Variants in WDR33 observed in about 807,000 individuals in gnomAD.
WDR33 encodes the protein WD repeat domain 33.
Under a neutral mutation model 164.9 loss-of-function variants are expected in WDR33, and 47 were observed. The observed-to-expected ratio is 0.29, with a 90% CI of 0.23 to 0.36. The LOEUF is 0.36. Ranked by LOEUF, WDR33 falls within the 10% of genes least tolerant of loss-of-function variation. The pLI, the probability that WDR33 is intolerant of heterozygous loss-of-function variation, is 1.00. For synonymous variants in WDR33, 505 were observed against 589.0 expected, an observed-to-expected ratio of 0.86 and a Z score of 2.06; for missense variants, 1,137 against 1,754.1, an observed-to-expected ratio of 0.65 and a Z score of 6.28.
At chr2:127,711,473 G>C (rs954908595) in intron 18 of WDR33, among the ~76,000 whole-genome samples, 1 of 145,630 alleles carries the variant, frequency 6.9e-6, no homozygotes, top group African/African-American at 2.5e-5. Flanking sequence ...TTTTGCACAA[G>C]ATGCAGAGAT....
intron 1 of WDR33, among the ~76,000 whole-genome samples, chr2:127,797,280 T>A (rs905007230): frequency 3.3e-5 from 5 of 151,874 alleles, no homozygotes; most frequent in Non-Finnish European, 7.4e-5. Context: ...GATCATGAGG[T>A]CAGAAGTTCG....
At chr2:127,743,189 T>C (rs1687075203) in intron 7 of WDR33, among the ~76,000 whole-genome samples, 1 of 152,098 alleles carries the variant, frequency 6.6e-6, no homozygotes, top group Non-Finnish European at 1.5e-5. Context: ...CTTAAAAGAA[T>C]GCCTTCAAAA....
At chr2:127,715,506 G>C (rs910277201) in intron 17 of WDR33, among the ~76,000 whole-genome samples, 3 of 152,114 alleles carry the variant, frequency 2.0e-5, no homozygotes, top group Admixed American at 6.5e-5. Flanking sequence ...CTCTCTTCCA[G>C]CTCTTTTCCG....
rs751338060 is a variant in WDR33, at chr2:127,763,150, G to A, written c.636C>T (p.Pro212=). ...AGCATGTAGCAAATTTATTATCCGT[G>A]GGTGAGAAACTGTTACATGAAGACA... ...KEAIREASFS[P]TDNKFATCSD... The change falls in exon 7 of 22, where the codon CCC becomes CCT. Residue 212 remains proline, a synonymous_variant. Transcript: ENST00000322313. The surrounding 1 kb of genome is among the most constrained non-coding windows in gnomAD (Gnocchi z 4.5). The A allele has an allele frequency of 3.1e-6, 5 of 1,614,034 alleles. No homozygotes were observed. Among genetic ancestry groups the A allele is most frequent in the South Asian group, 1.1e-5 (1 of 91,084 alleles).
At position 127,712,802 on chromosome 2, in the gene WDR33, C is replaced by A. The variant is rs1686213405; in HGVS notation, c.3308+781G>T. Among the ~76,000 whole-genome samples, 1 of 152,072 alleles carries A rather than the reference C, an allele frequency of 6.6e-6. No homozygotes were observed. Among genetic ancestry groups the A allele is most frequent in the Non-Finnish European group, 1.5e-5 (1 of 68,020 alleles). The stretch of plus-strand genomic sequence containing the variant: ...AAGAGACAGGGTCTTGCTCTGTAGC[C>A]CAGGCTGAAGTGCAATGGCATAATC... On this transcript the variant is annotated intron_variant, in intron 18 of 21. Coordinates refer to ENST00000322313, the MANE Select transcript of WDR33 (RefSeq NM_018383.5). The surrounding 1 kb of genome is among the most constrained non-coding windows in gnomAD (Gnocchi z 4.0).
chr2:127,784,709 C>T (rs558599321), intron 1 of WDR33, among the ~76,000 whole-genome samples: 1 of 152,222 alleles, frequency 6.6e-6, no homozygotes, highest in South Asian at 2.1e-4. Flanking sequence ...GCTTTTTATA[C>T]TCTGTTACAT....
At position 127,724,832 on chromosome 2, in the gene WDR33, C is replaced by A; in HGVS notation, c.1085+55G>T. 1.9e-6 allele frequency: 3 copies of A among 1,564,380 alleles called. No individual in the cohort carries two copies. Among genetic ancestry groups the A allele is most frequent in the Non-Finnish European group, 1.8e-6 (2 of 1,134,794 alleles). On this transcript the variant is annotated intron_variant, in intron 10 of 21. Coordinates refer to ENST00000322313, the MANE Select transcript of WDR33 (RefSeq NM_018383.5). This position sits in a 1 kb window ranked among gnomAD's most constrained non-coding sequence, Gnocchi z 4.8. ...GCTACAAAACTATCATGTCTGCACACATTCACGTGCTCTCTTCACAAAATA... is the reference window on the plus strand; with the variant it reads ...GCTACAAAACTATCATGTCTGCACAAATTCACGTGCTCTCTTCACAAAATA...
Position 127,724,212 on chromosome 2 carries a change from T to A in WDR33, c.1196+121A>T. 1.4e-6 allele frequency: 1 copy of A among 717,574 alleles called. No homozygotes were observed. Among genetic ancestry groups the A allele is most frequent in the Non-Finnish European group, 2.2e-6 (1 of 458,276 alleles). The allele number at this position is 717,574 out of a possible 1,614,324, so 44.5% of individuals were successfully genotyped here. A position where few individuals can be genotyped will look rare whatever the true frequency, so the allele number is the denominator to read the frequency against. On this transcript the variant is annotated intron_variant, in intron 11 of 21. Coordinates refer to ENST00000322313, the MANE Select transcript of WDR33 (RefSeq NM_018383.5). The surrounding 1 kb of genome is among the most constrained non-coding windows in gnomAD (Gnocchi z 4.8). ...AAGTATTTGTAAACCACTACAAAAA[T>A]ATTCCCAAGAATAAGTTGGAATATA...
intron 1 of WDR33, among the ~76,000 whole-genome samples, chr2:127,790,266 C>A (rs1688797760): frequency 6.6e-6 from 1 of 152,178 alleles, no homozygotes; most frequent in Admixed American, 6.6e-5. Context: ...AATTTTGAAC[C>A]AGCCTTGTAT....
chr2:127,711,768 A>ATTTTTTTTTTTT lies in WDR33; in HGVS notation c.3308+1814_3308+1815insAAAAAAAAAAAA, dbSNP rs1441301170. Among the ~76,000 whole-genome samples the ATTTTTTTTTTTT allele has an allele frequency of 1.9e-4, 13 of 70,244 alleles. 1 individual carries two copies. The highest frequency in any genetic ancestry group is 5.6e-4 in the African/African-American group (5 of 9,006). The allele number at this position is 70,244 out of a possible 152,430, so 46.1% of individuals were successfully genotyped here. A position where few individuals can be genotyped will look rare whatever the true frequency, so the allele number is the denominator to read the frequency against. Reference sequence around the variant, plus strand: ...CATATACAGATATATATATATATATATATATATATATATTTTTTTTTTGAG... The same window carrying ATTTTTTTTTTTT: ...CATATACAGATATATATATATATATATTTTTTTTTTTTTATATATATATATTTTTTTTTTGAG... On this transcript the variant is annotated intron_variant, in intron 18 of 21. Coordinates refer to ENST00000322313, the MANE Select transcript of WDR33 (RefSeq NM_018383.5).
chr2:127,742,280 G>A (rs1428498456), intron 7 of WDR33, among the ~76,000 whole-genome samples: 2 of 151,928 alleles, frequency 1.3e-5, no homozygotes, highest in Admixed American at 6.6e-5. Flanking sequence ...GTAATCCCAG[G>A]ACCTTGGGAG....
At chr2:127,756,002 G>C (rs966671813) in intron 7 of WDR33, among the ~76,000 whole-genome samples, 2 of 152,094 alleles carry the variant, frequency 1.3e-5, no homozygotes, top group Non-Finnish European at 2.9e-5. Context: ...GATCATAGGT[G>C]CTTCTCAGAA....
intron 7 of WDR33, among the ~76,000 whole-genome samples, chr2:127,747,756 C>A (rs538569644): frequency 1.8e-4 from 28 of 152,270 alleles, no homozygotes; most frequent in African/African-American, 6.5e-4. Context: ...CCTGTGCCTG[C>A]CGAGCATGTC....
chr2:127,740,735 A>T (rs1213587572), intron 7 of WDR33, among the ~76,000 whole-genome samples: 2 of 152,234 alleles, frequency 1.3e-5, no homozygotes, highest in African/African-American at 4.8e-5. Flanking sequence ...AAGGAAGATT[A>T]TTTCAACGCC....
At position 127,738,358 on chromosome 2, in the gene WDR33, A is replaced by T. The variant is rs539925816; in HGVS notation, c.725-11581T>A. Among the ~76,000 whole-genome samples, 5 of 152,302 alleles carry T rather than the reference A, an allele frequency of 3.3e-5. No individual in the cohort carries two copies. In the South Asian group the frequency reaches 1.0e-3, roughly 32 times the overall value. Reference sequence around the variant, plus strand: ...TACTGATATAAGCAAATAACTGAATAAATAAGTGGAGAAGAGTGAAGTCTC... The same window carrying T: ...TACTGATATAAGCAAATAACTGAATTAATAAGTGGAGAAGAGTGAAGTCTC... On this transcript the variant is annotated intron_variant, in intron 7 of 21. Transcript: ENST00000322313. The surrounding 1 kb of genome is among the most constrained non-coding windows in gnomAD (Gnocchi z 4.4).
rs1685888133 is a variant in WDR33 at position 127,701,744 on chromosome 2, G to A, written c.*4579C>T. ...GCCTGACGTGCCTCCCGAGCGTGAC[G>A]CGCGGGCAGCGGCTGGCGGCGGGCG... is the stretch of plus-strand genomic sequence containing the variant. On this transcript the variant is annotated 3_prime_UTR_variant, in exon 22 of 22. Coordinates refer to ENST00000322313, the MANE Select transcript of WDR33 (RefSeq NM_018383.5). 1 of 1,413,058 alleles carries A rather than the reference G, an allele frequency of 7.1e-7. No individual in the cohort carries two copies. The highest frequency in any genetic ancestry group is 9.2e-7 in the Non-Finnish European group (1 of 1,083,182). 87.5% of individuals were successfully genotyped at this position (1,413,058 alleles called of 1,614,324 possible).
At chr2:127,809,211 G>C (rs970691522) in intron 1 of WDR33, among the ~76,000 whole-genome samples, 4 of 152,002 alleles carry the variant, frequency 2.6e-5, no homozygotes, top group African/African-American at 9.7e-5. Context: ...AATGGGAAAA[G>C]TATATGAACT....
intron 1 of WDR33, chr2:127,798,856 T>TTATTGAAAAGTTATTAA (rs1289774430): frequency 2.6e-5 from 4 of 152,070 alleles, no homozygotes; most frequent in Non-Finnish European, 5.9e-5. Flanking sequence ...TATTGAAAAC[T>TTATTGAAAAGTTATTAA]GCTTTTATTA....
intron 1 of WDR33, among the ~76,000 whole-genome samples, chr2:127,787,064 C>G (rs541623252): frequency 8.3e-4 from 85 of 102,298 alleles, no homozygotes; most frequent in Admixed American, 3.3e-3. Flanking sequence ...TGACTCTTAA[C>G]GAGCATGCTG....
Sources: allele counts gnomAD v4.1 joint callset (sites outside exome capture counted in the v4.1 genomes callset), GRCh38; gene constraint gnomAD v4.1.1; non-coding constraint Gnocchi (gnomAD v3.1); transcripts MANE v1.5; gene names NCBI Gene and HGNC (gene_info 2026-07-23, HGNC 2026-07-21).